The following MAPK10 variants were observed in gnomAD, a reference collection of about 807,000 sequenced individuals.
MAPK10 encodes the protein mitogen-activated protein kinase 10.
In MAPK10, 25 loss-of-function variants were observed where a neutral mutation model predicts 59.3. That is an observed-to-expected ratio of 0.42 (90% confidence interval 0.31 to 0.59). The LOEUF (loss-of-function observed/expected upper bound fraction) is 0.59, where lower values mean the gene tolerates loss of function less well. Ranked by LOEUF, MAPK10 falls within the 20% of genes least tolerant of loss-of-function variation. MAPK10 has a pLI of 0.15. For synonymous variants in MAPK10, 190 were observed against 200.5 expected (o/e 0.95, Z 0.44); for missense variants, 351 against 568.9 (o/e 0.62, Z 3.90).
intron 1 of MAPK10, among the ~76,000 whole-genome samples, chr4:86,430,853 A>G (rs950369949): frequency 6.6e-6 from 1 of 152,340 alleles, no homozygotes; most frequent in Middle Eastern, 3.4e-3. Context: ...TTGTAAGTCA[A>G]TATAGGACCT....
At chr4:86,274,113 A>C (rs905287237) in intron 2 of MAPK10, among the ~76,000 whole-genome samples, 3 of 152,042 alleles carry the variant, frequency 2.0e-5, no homozygotes, top group Non-Finnish European at 4.4e-5. Context: ...GAAAATGTTT[A>C]AGTTATAATA....
intron 1 of MAPK10, among the ~76,000 whole-genome samples, chr4:86,474,328 A>G (rs1011437368): frequency 6.6e-6 from 1 of 152,238 alleles, no homozygotes; most frequent in African/African-American, 2.4e-5. Context: ...GCTTGTATAT[A>G]CATTAATTGA....
upstream of MAPK10, chr4:86,360,190 T>A: frequency 1.0e-6 from 1 of 986,014 alleles, no homozygotes; most frequent in Non-Finnish European, 1.2e-6. Context: ...GAAGCGTCTA[T>A]GTGCAGCTAC....
intron 1 of MAPK10, among the ~76,000 whole-genome samples, chr4:86,396,368 G>A (rs1201978200): frequency 1.3e-5 from 2 of 152,066 alleles, no homozygotes; most frequent in African/African-American, 2.4e-5. Context: ...AGAAAGTAGC[G>A]TTTCCAACAG....
intron 2 of MAPK10, among the ~76,000 whole-genome samples, chr4:86,336,005 T>C (rs1048173326): frequency 2.0e-5 from 3 of 152,140 alleles, no homozygotes; most frequent in Non-Finnish European, 4.4e-5. Context: ...ACATTATTCA[T>C]ATAATGTCAG....
intron 3 of MAPK10, among the ~76,000 whole-genome samples, chr4:86,179,498 T>G (rs1387347394): frequency 6.6e-6 from 1 of 151,386 alleles, no homozygotes; most frequent in Non-Finnish European, 1.5e-5. Flanking sequence ...GGAAAAAAAA[T>G]CCAAAAATTT....
At chr4:86,510,052 T>C (rs2149083135) in intron 1 of MAPK10, among the ~76,000 whole-genome samples, 1 of 152,298 alleles carries the variant, frequency 6.6e-6, no homozygotes, top group African/African-American at 2.4e-5. Context: ...ATATAGTAAT[T>C]AATCCAAATG....
chr4:86,150,633 G>A (rs1053262650), intron 4 of MAPK10, among the ~76,000 whole-genome samples: 2 of 152,058 alleles, frequency 1.3e-5, no homozygotes, highest in East Asian at 3.9e-4. Context: ...AGGCCGAGAC[G>A]GGCAGATCAC....
At chr4:86,326,015 T>C (rs2096013403) in intron 2 of MAPK10, 5 of 152,172 alleles carry the variant, frequency 3.3e-5, no homozygotes, top group Admixed American at 3.3e-4. Context: ...TTAAGGGCTA[T>C]AATAAAGATA....
At chr4:86,037,476 C>T (rs2040561402) in intron 11 of MAPK10, among the ~76,000 whole-genome samples, 1 of 151,502 alleles carries the variant, frequency 6.6e-6, no homozygotes, top group South Asian at 2.1e-4. Context: ...GCCAAGATCA[C>T]ACCACTGCAT....
At chr4:86,550,070 A>AG (rs1474012799) in intron 1 of MAPK10, among the ~76,000 whole-genome samples, 1 of 152,134 alleles carries the variant, frequency 6.6e-6, no homozygotes, top group African/African-American at 2.4e-5. Flanking sequence ...TCTGCTTCAA[A>AG]GACAAGAAAC....
chr4:86,184,575 C>G (rs1475197156), intron 3 of MAPK10, among the ~76,000 whole-genome samples: 1 of 152,080 alleles, frequency 6.6e-6, no homozygotes, highest in Non-Finnish European at 1.5e-5. Flanking sequence ...GCAGGTGGGG[C>G]CTGGTGGGAG....
intron 1 of MAPK10, among the ~76,000 whole-genome samples, chr4:86,431,564 G>A (rs914550859): frequency 1.3e-5 from 2 of 152,162 alleles, no homozygotes; most frequent in Non-Finnish European, 2.9e-5. Context: ...GCTTAACCCA[G>A]TGTTGCAGGT....
chr4:86,360,246 G>C (rs1736654025), upstream of MAPK10: 5 of 982,490 alleles, frequency 5.1e-6, no homozygotes, highest in Non-Finnish European at 6.0e-6. Context: ...AAATGTAAAG[G>C]AATAAGGTTC....
chr4:86,212,457 G>A (rs1197637303), intron 2 of MAPK10, among the ~76,000 whole-genome samples: 7 of 152,044 alleles, frequency 4.6e-5, no homozygotes, highest in Admixed American at 4.6e-4. Context: ...GGAATTCAAG[G>A]CTGCAATGGG....
At chr4:86,513,681 T>C (rs1756448918) in intron 1 of MAPK10, among the ~76,000 whole-genome samples, 1 of 152,186 alleles carries the variant, frequency 6.6e-6, no homozygotes, top group African/African-American at 2.4e-5. Context: ...AGTCCATGAC[T>C]CAAAACTTTT....
At chr4:86,524,726 T>G (rs1361592903) in intron 1 of MAPK10, among the ~76,000 whole-genome samples, 2 of 152,004 alleles carry the variant, frequency 1.3e-5, no homozygotes, top group Non-Finnish European at 2.9e-5. Flanking sequence ...ACTGAATTAG[T>G]TTTTTTTAAG....
At chr4:86,305,109 C>T (rs544220848) in intron 2 of MAPK10, among the ~76,000 whole-genome samples, 3 of 152,204 alleles carry the variant, frequency 2.0e-5, no homozygotes, top group South Asian at 2.1e-4. Flanking sequence ...GTATTATGCA[C>T]CTATATTATA....
intron 1 of MAPK10, among the ~76,000 whole-genome samples, chr4:86,548,353 G>A (rs1759443027): frequency 6.6e-6 from 1 of 152,108 alleles, no homozygotes; most frequent in Admixed American, 6.5e-5. Flanking sequence ...CTCCGGACAT[G>A]CCACCTTTAA....
Sources: gnomAD v4.1 joint callset for allele counts (sites outside exome capture counted in the v4.1 genomes callset) on GRCh38, gnomAD v4.1.1 for gene constraint, MANE v1.5 for transcripts, NCBI Gene and HGNC (gene_info 2026-07-23, HGNC 2026-07-21) for gene names.